The following LEMD3 variants were observed in gnomAD, a reference collection of about 807,000 sequenced individuals.
The protein encoded by LEMD3 is LEM domain containing 3.
In LEMD3, 33 loss-of-function variants were observed where a neutral mutation model predicts 95.2. That is an observed-to-expected ratio of 0.35 (90% confidence interval 0.26 to 0.46). The LOEUF is 0.46. Among genes scored for constraint, LEMD3 ranks in the 20% least tolerant of loss-of-function variants. The probability of loss-of-function intolerance (pLI) is 1.00; values close to 1 mark genes in which losing one functional copy is unlikely to be tolerated. For missense variants in LEMD3, 1,210 were observed against 1,192.8 expected, an observed-to-expected ratio of 1.01 and a Z score of -0.21; for synonymous variants, 525 against 474.6, an observed-to-expected ratio of 1.11 and a Z score of -1.38.
chr12:65,236,165 A>G (rs1461516557), intron 4 of LEMD3, among the ~76,000 whole-genome samples: 2 of 152,198 alleles, frequency 1.3e-5, no homozygotes, highest in Non-Finnish European at 2.9e-5. Context: ...TGTTGATAAA[A>G]TACAATAGGA....
chr12:65,204,182 T>C (rs1869693067), intron 1 of LEMD3, among the ~76,000 whole-genome samples: 1 of 152,130 alleles, frequency 6.6e-6, no homozygotes, highest in Admixed American at 6.6e-5. Flanking sequence ...TCATTTTTTT[T>C]TTTTTAAGTT....
At chr12:65,213,007 A>T (rs974517736) in intron 2 of LEMD3, among the ~76,000 whole-genome samples, 1 of 152,208 alleles carries the variant, frequency 6.6e-6, no homozygotes, top group Non-Finnish European at 1.5e-5. Flanking sequence ...TTCTTTCTCA[A>T]AATGTGTTCA....
chr12:65,218,649 T>A, intron 4 of LEMD3, 30 bp downstream of exon 4: 1 of 1,315,406 alleles, frequency 7.6e-7, no homozygotes, highest in Non-Finnish European at 1.1e-6. Context: ...TTTTAATAGC[T>A]ATATTTTAAA....
chr12:65,231,273 A>G lies in LEMD3; in HGVS notation c.1696-7229A>G, dbSNP rs182731202. Among the ~76,000 whole-genome samples, 253 of 152,304 alleles carry G rather than the reference A, an allele frequency of 1.7e-3. 1 individual carries two copies. Among genetic ancestry groups the G allele is most frequent in the Admixed American group, 5.7e-3 (87 of 15,300 alleles). ...CACCATAGACGCAGTTTGTACTGTC[A>G]AAAGCAAAACAGAGAGAGCTTTAAA... On this transcript the variant is annotated intron_variant, in intron 4 of 12. Coordinates refer to ENST00000308330, the MANE Select transcript of LEMD3 (RefSeq NM_014319.5).
rs748053712 is a variant in LEMD3, at chr12:65,240,965, C to G, written c.2183C>G (p.Ser728Cys). ...RAVDFLAANE[S>C]RVRTETRRIG... ...GTTGACTTCCTTGCTGCTAATGAGT[C>G]TAGAGTTCGCACGGAAACACGAAGA... is the stretch of plus-strand genomic sequence containing the variant. Residue 728 changes from serine to cysteine, a missense_variant, in exon 9 of 13, where the codon TCT (serine) becomes TGT (cysteine). Coordinates refer to ENST00000308330, the MANE Select transcript of LEMD3 (RefSeq NM_014319.5). The G allele has an allele frequency of 6.2e-7, 1 of 1,614,036 alleles. No individual in the cohort carries two copies. Among genetic ancestry groups the G allele is most frequent in the Non-Finnish European group, 8.5e-7 (1 of 1,179,930 alleles).
chr12:65,229,650 C>T (rs1870563513), intron 4 of LEMD3, among the ~76,000 whole-genome samples: 3 of 152,038 alleles, frequency 2.0e-5, no homozygotes, highest in Non-Finnish European at 2.9e-5. Flanking sequence ...GGGCATTTTT[C>T]CATATGCCTG....
rs544783374 is a variant in LEMD3 at position 65,221,216 on chromosome 12, C to G, written c.1695+2597C>G. ...TTTTTGTAGTTTTCAGTGTATAAGT[C>G]TTTCACCTCCCTGGTTAAGTTTATT... On this transcript the variant is annotated intron_variant, in intron 4 of 12. Transcript: ENST00000308330. Among the ~76,000 whole-genome samples the G allele has an allele frequency of 6.4e-5, 8 of 125,260 alleles. No homozygotes were observed. In the East Asian group the frequency reaches 1.8e-3, roughly 29 times the overall value. The allele number at this position is 125,260 out of a possible 152,430, so 82.2% of individuals were successfully genotyped here.
At chr12:65,222,948 C>T (rs967847151) in intron 4 of LEMD3, among the ~76,000 whole-genome samples, 1 of 152,020 alleles carries the variant, frequency 6.6e-6, no homozygotes. Context: ...GTGAATTTCT[C>T]AGTTTTTCTC....
At chr12:65,220,558 T>C (rs965430544) in intron 4 of LEMD3, among the ~76,000 whole-genome samples, 5 of 152,170 alleles carry the variant, frequency 3.3e-5, no homozygotes, top group East Asian at 1.9e-4. Flanking sequence ...ACTGCACATA[T>C]GCTTTTTAGT....
chr12:65,178,011 ATTT>A (rs1480103418), intron 1 of LEMD3, among the ~76,000 whole-genome samples: 1 of 151,676 alleles, frequency 6.6e-6, no homozygotes, highest in African/African-American at 2.4e-5. Flanking sequence ...CATCTGGCAA[ATTT>A]TTTGTATTTT....
intron 1 of LEMD3, among the ~76,000 whole-genome samples, chr12:65,179,672 C>G (rs1322657476): frequency 6.6e-6 from 1 of 152,078 alleles, no homozygotes; most frequent in Non-Finnish European, 1.5e-5. Flanking sequence ...GGGCTTAATA[C>G]CTAGGTGATG....
At chr12:65,246,093 C>T in intron 12 of LEMD3, 69 bp from the exon 13 acceptor site, 2 of 1,342,736 alleles carry the variant, frequency 1.5e-6, no homozygotes, top group Non-Finnish European at 2.1e-6. Flanking sequence ...ATGTCTTTTA[C>T]CACAGTTAAT....
chr12:65,228,329 TAAAA>T (rs1320738192), intron 4 of LEMD3, among the ~76,000 whole-genome samples: 1 of 151,660 alleles, frequency 6.6e-6, no homozygotes, highest in Non-Finnish European at 1.5e-5. Context: ...TATATCTACT[TAAAA>T]AAAGATATTA....
intron 1 of LEMD3, among the ~76,000 whole-genome samples, chr12:65,188,188 A>G (rs1869124973): frequency 6.6e-6 from 1 of 151,964 alleles, no homozygotes; most frequent in Admixed American, 6.6e-5. Flanking sequence ...TAGTATAAAG[A>G]CTCTTTTAAT....
intron 4 of LEMD3, among the ~76,000 whole-genome samples, chr12:65,222,480 A>G (rs368570034): frequency 8.5e-5 from 13 of 152,316 alleles, no homozygotes; most frequent in African/African-American, 2.9e-4. Flanking sequence ...TCAATTTTTC[A>G]GAAGAATTTG....
chr12:65,196,526 G>C (rs1379657384), intron 1 of LEMD3, among the ~76,000 whole-genome samples: 1 of 150,914 alleles, frequency 6.6e-6, no homozygotes, highest in African/African-American at 2.5e-5. Context: ...TGACGTTCCA[G>C]ATGGTTGGAG....
chr12:65,189,049 A>G (rs529013780), intron 1 of LEMD3, among the ~76,000 whole-genome samples: 3 of 152,330 alleles, frequency 2.0e-5, no homozygotes, highest in Admixed American at 2.0e-4. Context: ...CCTGTAATAC[A>G]TACTTATGAT....
chr12:65,227,187 A>T (rs1870475778), intron 4 of LEMD3, among the ~76,000 whole-genome samples: 1 of 152,216 alleles, frequency 6.6e-6, no homozygotes, highest in Admixed American at 6.5e-5. Context: ...GAAGAAAGGC[A>T]TAGTGAGAAT....
chr12:65,245,577 A>T, intron 10 of LEMD3, 92 bp from the exon 11 acceptor site: 1 of 871,210 alleles, frequency 1.1e-6, no homozygotes, highest in Non-Finnish European at 2.0e-6. Context: ...AACTATACCA[A>T]TTCTAGTAAT....
Sources: allele counts gnomAD v4.1 joint callset (sites outside exome capture counted in the v4.1 genomes callset), GRCh38; gene constraint gnomAD v4.1.1; transcripts MANE v1.5; gene names NCBI Gene and HGNC (gene_info 2026-07-23, HGNC 2026-07-21).